DSCAM: variants seen among roughly 807,000 people sequenced by gnomAD.
DSCAM encodes the protein cell adhesion molecule DSCAM.
Under a neutral mutation model 217.7 loss-of-function variants are expected in DSCAM, and 47 were observed. That is an observed-to-expected ratio of 0.22 (90% confidence interval 0.17 to 0.28). DSCAM has a LOEUF of 0.28. Ranked by LOEUF, DSCAM falls within the 10% of genes least tolerant of loss-of-function variation. DSCAM has a pLI of 1.00. For missense variants in DSCAM, 2,080 were observed against 2,618.3 expected (o/e 0.79, Z 4.49); for synonymous variants, 1,056 against 1,015.3 (o/e 1.04, Z -0.76).
intron 9 of DSCAM, among the ~76,000 whole-genome samples, chr21:40,311,785 C>T (rs2074140333): frequency 2.0e-5 from 3 of 152,082 alleles, no homozygotes; most frequent in Non-Finnish European, 4.4e-5. Context: ...GTCCTCAAAA[C>T]TCATTGGCTT....
intron 3 of DSCAM, among the ~76,000 whole-genome samples, chr21:40,416,074 C>G (rs1056263506): frequency 6.6e-6 from 1 of 152,088 alleles, no homozygotes; most frequent in African/African-American, 2.4e-5. Flanking sequence ...ATAAAATGAC[C>G]TGCACACTTG....
chr21:40,618,085 T>C (rs1393413250), intron 3 of DSCAM, among the ~76,000 whole-genome samples: 1 of 152,118 alleles, frequency 6.6e-6, no homozygotes, highest in Non-Finnish European at 1.5e-5. Flanking sequence ...AATTAAGAGC[T>C]GTGCGGGACT....
intron 3 of DSCAM, among the ~76,000 whole-genome samples, chr21:40,563,720 A>ATGTT (rs2076741974): frequency 2.1e-5 from 3 of 142,032 alleles, no homozygotes; most frequent in African/African-American, 8.2e-5. Flanking sequence ...AGTTATGTTT[A>ATGTT]TATATGTTTA....
In DSCAM at chr21:40,689,714, C is replaced by T. The variant is rs570339096; in HGVS notation, c.508+3096G>A. ...AGCAGGCTGGGATGACTTGATAATC[C>T]GGGAAGAGGGACCTGGGAGATGGCC... On this transcript the variant is annotated intron_variant, in intron 3 of 32. Coordinates refer to ENST00000400454, the MANE Select transcript of DSCAM (RefSeq NM_001389.5). Among the ~76,000 whole-genome samples, 4 of 152,272 alleles carry T rather than the reference C, an allele frequency of 2.6e-5. No individual in the cohort carries two copies. The South Asian group carries it at 6.2e-4, about 24-fold the overall frequency.
chr21:40,196,448 G>C (rs2091009957), intron 11 of DSCAM, among the ~76,000 whole-genome samples: 1 of 152,116 alleles, frequency 6.6e-6, no homozygotes, highest in African/African-American at 2.4e-5. Context: ...AGAGTCCCTG[G>C]GGGTGGGGGT....
chr21:40,026,179 A>G (rs55751357), intron 32 of DSCAM, among the ~76,000 whole-genome samples: 25,651 of 138,284 alleles, frequency 0.19, 5,094 homozygotes, highest in Middle Eastern at 0.24. Context: ...TAGTTGAGCG[A>G]TTTTGAGTGA....
chr21:40,068,054 A>G (rs2089236841), intron 27 of DSCAM, among the ~76,000 whole-genome samples: 1 of 151,894 alleles, frequency 6.6e-6, no homozygotes, highest in Non-Finnish European at 1.5e-5. Context: ...CCACACTTCC[A>G]TCCTTGGCTC....
Position 40,190,563 on chromosome 21 carries a change from T to A in DSCAM, c.2357-1325A>T, listed in dbSNP as rs548146769. Among the ~76,000 whole-genome samples, 45 of 152,312 alleles carry A rather than the reference T, an allele frequency of 3.0e-4. No individual in the cohort carries two copies. In the South Asian group the frequency reaches 8.9e-3, roughly 30 times the overall value. On this transcript the variant is annotated intron_variant, in intron 11 of 32. Coordinates refer to ENST00000400454, the MANE Select transcript of DSCAM (RefSeq NM_001389.5). ...GAAAGCTGCCTCAGCTTGTGTTATATATGTAGAAAAACAATCTCTCCCCTG... is the reference window on the plus strand; with the variant it reads ...GAAAGCTGCCTCAGCTTGTGTTATAAATGTAGAAAAACAATCTCTCCCCTG...
At chr21:40,766,680 AAAAAAAAAC>A (rs1462393496) in intron 1 of DSCAM, among the ~76,000 whole-genome samples, 2 of 123,720 alleles carry the variant, frequency 1.6e-5, no homozygotes, top group Non-Finnish European at 3.2e-5. Context: ...AAAAAAAAAA[AAAAAAAAAC>A]AACTTTTTTT....
At chr21:40,695,642 A>G (rs1157086549) in intron 2 of DSCAM, among the ~76,000 whole-genome samples, 2 of 152,168 alleles carry the variant, frequency 1.3e-5, no homozygotes, top group African/African-American at 4.8e-5. Flanking sequence ...TTCCACAAAG[A>G]TAGCCTGTGC....
At chr21:40,143,527 C>T (rs1281563356) in intron 17 of DSCAM, among the ~76,000 whole-genome samples, 1 of 152,222 alleles carries the variant, frequency 6.6e-6, no homozygotes, top group Non-Finnish European at 1.5e-5. Flanking sequence ...CGCGGTGGCT[C>T]ACGCCTCTAA....
intron 1 of DSCAM, among the ~76,000 whole-genome samples, chr21:40,762,308 C>T (rs1003804081): frequency 6.6e-6 from 1 of 152,058 alleles, no homozygotes; most frequent in Non-Finnish European, 1.5e-5. Context: ...GAAATACAAA[C>T]TACCATAAGA....
At chr21:40,343,999 G>T (rs1260646586) in intron 6 of DSCAM, among the ~76,000 whole-genome samples, 1 of 151,942 alleles carries the variant, frequency 6.6e-6, no homozygotes, top group Admixed American at 6.6e-5. Context: ...CACCTCCTGG[G>T]TTCAAGCTGT....
intron 11 of DSCAM, among the ~76,000 whole-genome samples, chr21:40,211,009 T>C (rs1432306810): frequency 6.6e-6 from 1 of 152,374 alleles, no homozygotes; most frequent in East Asian, 1.9e-4. Flanking sequence ...TTCCTATCTG[T>C]CTGTGTTTGC....
At chr21:40,101,500 C>T (rs2089750338) in intron 20 of DSCAM, among the ~76,000 whole-genome samples, 1 of 151,752 alleles carries the variant, frequency 6.6e-6, no homozygotes, top group South Asian at 2.1e-4. Context: ...ATGGGATGGT[C>T]TTGGGATGAA....
At chr21:40,670,443 C>A (rs1232385785) in intron 3 of DSCAM, among the ~76,000 whole-genome samples, 1 of 150,912 alleles carries the variant, frequency 6.6e-6, no homozygotes, top group Non-Finnish European at 1.5e-5. Context: ...GAGGCTGAGG[C>A]AGGGGAATCG....
chr21:40,191,195 A>G (rs1165174229), intron 11 of DSCAM, among the ~76,000 whole-genome samples: 3 of 152,186 alleles, frequency 2.0e-5, no homozygotes, highest in Non-Finnish European at 4.4e-5. Flanking sequence ...TGAGACATAT[A>G]ATGAAACGTC....
At chr21:40,637,651 CTA>C (rs72126679) in intron 3 of DSCAM, among the ~76,000 whole-genome samples, 51,790 of 70,766 alleles carry the variant, frequency 0.73, 19,735 homozygotes, top group Middle Eastern at 0.78. Flanking sequence ...AAATATATAT[CTA>C]TATATATATA....
intron 3 of DSCAM, among the ~76,000 whole-genome samples, chr21:40,398,050 G>A (rs1001514541): frequency 2.6e-5 from 4 of 152,120 alleles, no homozygotes; most frequent in Non-Finnish European, 5.9e-5. Flanking sequence ...TGTAGTTTAG[G>A]AGGCTGTGCT....
Sources: allele counts gnomAD v4.1 joint callset (sites outside exome capture counted in the v4.1 genomes callset), GRCh38; gene constraint gnomAD v4.1.1; transcripts MANE v1.5; gene names NCBI Gene and HGNC (gene_info 2026-07-23, HGNC 2026-07-21).